The following ATL1 variants were observed in gnomAD, a reference collection of about 807,000 sequenced individuals.
ATL1 encodes atlastin-1.
Under a neutral mutation model 75.5 loss-of-function variants are expected in ATL1, and 31 were observed. That is an observed-to-expected ratio of 0.41 (90% CI 0.31 to 0.55). The LOEUF (loss-of-function observed/expected upper bound fraction) is 0.55. Among genes scored for constraint, ATL1 ranks in the 20% least tolerant of loss-of-function variants. The pLI is 0.27. For missense variants in ATL1, 405 were observed against 662.6 expected (o/e 0.61, Z 4.27); for synonymous variants, 226 against 233.3 (o/e 0.97, Z 0.28).
At chr14:50,563,345 T>C (rs2038870119) in intron 1 of ATL1, among the ~76,000 whole-genome samples, 1 of 152,184 alleles carries the variant, frequency 6.6e-6, no homozygotes, top group Admixed American at 6.5e-5. Context: ...AATGTTTTCA[T>C]GGAGAGAATG....
chr14:50,584,212 A>C (rs2140197961), intron 1 of ATL1, among the ~76,000 whole-genome samples: 1 of 152,056 alleles, frequency 6.6e-6, no homozygotes, highest in East Asian at 1.9e-4. Context: ...CCATCTCTAC[A>C]AAAAATACAG....
At position 50,535,022 on chromosome 14, in the gene ATL1, A is replaced by C. The variant is rs566717541; in HGVS notation, c.-140+1655A>C. 2.6e-5 allele frequency among the ~76,000 whole-genome samples: 4 copies of C among 152,380 alleles called. No homozygotes were observed. The South Asian group carries it at 8.3e-4, about 32-fold the overall frequency. On this transcript the variant is annotated intron_variant, in intron 1 of 13. Transcript: ENST00000441560. ...ACAAACCACCCAGTTTCATATGACA[A>C]GGTATGGAATAAGAATAAATATGGC...
chr14:50,601,192 T>C (rs1272362682), intron 6 of ATL1, among the ~76,000 whole-genome samples: 2 of 152,088 alleles, frequency 1.3e-5, no homozygotes, highest in Admixed American at 6.6e-5. Context: ...CAATTATGAA[T>C]AATAAACAGA....
intron 5 of ATL1, 21 bp downstream of exon 5, chr14:50,593,917 T>G: frequency 1.9e-6 from 3 of 1,580,898 alleles, no homozygotes; most frequent in South Asian, 2.2e-5. Context: ...TTATTTTCTT[T>G]TTTGTGTATC....
chr14:50,580,799 G>A (rs1364103970), intron 1 of ATL1, among the ~76,000 whole-genome samples: 2 of 152,072 alleles, frequency 1.3e-5, no homozygotes, highest in African/African-American at 4.8e-5. Context: ...TTTTCTAAAT[G>A]TTTAGAAGAG....
At chr14:50,607,910 T>C (rs1223942628) in intron 6 of ATL1, among the ~76,000 whole-genome samples, 1 of 152,086 alleles carries the variant, frequency 6.6e-6, no homozygotes, top group Admixed American at 6.6e-5. Context: ...TCTCAATTGT[T>C]GAGCATTTGG....
intron 1 of ATL1, among the ~76,000 whole-genome samples, chr14:50,582,590 G>GT (rs35684925): frequency 5.7e-4 from 80 of 139,754 alleles, no homozygotes; most frequent in South Asian, 1.9e-3. Context: ...TTGTGTTGTT[G>GT]TTTTTTTTTT....
chr14:50,573,976 G>T (rs2038978294), intron 1 of ATL1, among the ~76,000 whole-genome samples: 1 of 152,074 alleles, frequency 6.6e-6, no homozygotes, highest in Non-Finnish European at 1.5e-5. Flanking sequence ...TCTTTTGCTG[G>T]TTTAGTTTCT....
intron 8 of ATL1, among the ~76,000 whole-genome samples, chr14:50,616,436 G>C (rs567920843): frequency 2.1e-4 from 32 of 151,844 alleles, no homozygotes; most frequent in Admixed American, 7.9e-4. Flanking sequence ...AGGACTACAG[G>C]AGTGTGCCAC....
At chr14:50,630,262 G>T (rs1365064567) in intron 13 of ATL1, among the ~76,000 whole-genome samples, 3 of 152,176 alleles carry the variant, frequency 2.0e-5, no homozygotes, top group Non-Finnish European at 4.4e-5. Context: ...TTTGTTTCAT[G>T]AATGTGTAGA....
chr14:50,596,333 G>T (rs1222694490), intron 6 of ATL1, among the ~76,000 whole-genome samples: 1 of 151,966 alleles, frequency 6.6e-6, no homozygotes, highest in Admixed American at 6.6e-5. Context: ...AAATTTGTAT[G>T]ACATATAGCC....
chr14:50,535,477 A>G (rs1034154335), intron 1 of ATL1, among the ~76,000 whole-genome samples: 1 of 152,224 alleles, frequency 6.6e-6, no homozygotes, highest in Non-Finnish European at 1.5e-5. Flanking sequence ...ATGTAACTCT[A>G]TGATTCAGTT....
intron 11 of ATL1, among the ~76,000 whole-genome samples, chr14:50,624,255 G>A (rs924171286): frequency 6.6e-6 from 1 of 151,996 alleles, no homozygotes; most frequent in Non-Finnish European, 1.5e-5. Flanking sequence ...TTGAAGTTTG[G>A]TGGCAACCCT....
At chr14:50,570,726 T>G (rs2038947640) in intron 1 of ATL1, among the ~76,000 whole-genome samples, 1 of 152,228 alleles carries the variant, frequency 6.6e-6, no homozygotes, top group Non-Finnish European at 1.5e-5. Flanking sequence ...ACAGTTTCTG[T>G]TTTATTTTTT....
intron 1 of ATL1, among the ~76,000 whole-genome samples, chr14:50,534,327 C>T (rs745617420): frequency 5.9e-5 from 9 of 152,118 alleles, no homozygotes; most frequent in Non-Finnish European, 8.8e-5. Context: ...TGTGACAAAT[C>T]GGCCAACCAG....
chr14:50,543,483 A>AC (rs1409246348), intron 1 of ATL1, among the ~76,000 whole-genome samples: 2 of 152,204 alleles, frequency 1.3e-5, no homozygotes, highest in African/African-American at 4.8e-5. Context: ...TTGTTTTATC[A>AC]CCATGTATCA....
At chr14:50,595,496 T>TA in intron 5 of ATL1, 80 bp from the exon 6 acceptor site, 1 of 1,338,564 alleles carries the variant, frequency 7.5e-7, no homozygotes. Flanking sequence ...AGCCAAGAAT[T>TA]AAAACTTTGC....
At chr14:50,599,618 G>T (rs763478401) in intron 6 of ATL1, among the ~76,000 whole-genome samples, 3 of 152,112 alleles carry the variant, frequency 2.0e-5, no homozygotes, top group African/African-American at 4.8e-5. Flanking sequence ...GCATACTCTG[G>T]AATACTTTGC....
intron 1 of ATL1, among the ~76,000 whole-genome samples, chr14:50,563,715 C>T (rs2038873886): frequency 6.6e-6 from 1 of 152,150 alleles, no homozygotes; most frequent in South Asian, 2.1e-4. Flanking sequence ...CTGCTGACTG[C>T]TAGAATTGAG....
Sources: gnomAD v4.1 joint callset for allele counts (sites outside exome capture counted in the v4.1 genomes callset) on GRCh38, gnomAD v4.1.1 for gene constraint, MANE v1.5 for transcripts, NCBI Gene and HGNC (gene_info 2026-07-23, HGNC 2026-07-21) for gene names.